The following FAM168A variants were observed in gnomAD, a reference collection of about 807,000 sequenced individuals.
FAM168A encodes protein FAM168A.
In FAM168A, 3 loss-of-function variants were observed where a neutral mutation model predicts 28.5. That is an observed-to-expected ratio of 0.11 (90% CI 0.05 to 0.27). The LOEUF is 0.27. Among genes scored for constraint, FAM168A ranks in the 10% least tolerant of loss-of-function variants. The probability of loss-of-function intolerance (pLI) is 1.00; values close to 1 mark genes in which losing one functional copy is unlikely to be tolerated. For synonymous variants in FAM168A, 122 were observed against 124.2 expected (o/e 0.98, Z 0.12); for missense variants, 222 against 311.5 (o/e 0.71, Z 2.16).
Position 73,424,969 on chromosome 11 carries a change from G to A in FAM168A, c.152-4970C>T, listed in dbSNP as rs2298435. The A allele has an allele frequency of 1.5e-3, 2,141 of 1,419,004 alleles. 34 individuals carry two copies. In the East Asian group the frequency reaches 0.028, roughly 18 times the overall value. 87.9% of individuals were successfully genotyped at this position (1,419,004 alleles called of 1,614,324 possible). The stretch of plus-strand genomic sequence containing the variant: ...AGGAGAGGGGATCTACCATTGTTAC[G>A]AGAGAACACATTCATAGGCTGTAAT... On this transcript the variant is annotated intron_variant, in intron 3 of 7. Transcript: ENST00000356467.
intron 2 of FAM168A, among the ~76,000 whole-genome samples, chr11:73,445,028 G>A (rs1197023019): frequency 6.6e-6 from 1 of 152,186 alleles, no homozygotes; most frequent in Non-Finnish European, 1.5e-5. Flanking sequence ...GGGAGGCCGA[G>A]GTGGGTGGAT....
chr11:73,458,571 T>C (rs1867582197), intron 2 of FAM168A, among the ~76,000 whole-genome samples: 2 of 152,202 alleles, frequency 1.3e-5, no homozygotes, highest in African/African-American at 4.8e-5. Context: ...TTTCTGACTC[T>C]TTCCTCATCT....
At position 73,480,699 on chromosome 11, in the gene FAM168A, A is replaced by AAAAC. The variant is rs147757702; in HGVS notation, c.-18-12211_-18-12208dup. Among the ~76,000 whole-genome samples the AAAAC allele has an allele frequency of 9.7e-3, 1,474 of 151,740 alleles. 28 individuals are homozygous for AAAAC. The highest frequency in any genetic ancestry group is 0.032 in the African/African-American group (1,336 of 41,362). ...CAAGAGTTAACAATGACCATTTTACAAAACAAACAAACAAACAAACAAACA... is the reference window on the plus strand; with the variant it reads ...CAAGAGTTAACAATGACCATTTTACAAAACAAACAAACAAACAAACAAACAAACA... On this transcript the variant is annotated intron_variant, in intron 1 of 7. Coordinates refer to ENST00000356467, the MANE Select transcript of FAM168A (RefSeq NM_015159.3).
At chr11:73,434,427 C>T (rs1469693960) in intron 2 of FAM168A, among the ~76,000 whole-genome samples, 1 of 152,132 alleles carries the variant, frequency 6.6e-6, no homozygotes, top group African/African-American at 2.4e-5. Context: ...CAAAGTAAGA[C>T]ATATTGAGAA....
At chr11:73,440,470 G>A (rs536370627) in intron 2 of FAM168A, among the ~76,000 whole-genome samples, 3 of 152,072 alleles carry the variant, frequency 2.0e-5, no homozygotes, top group East Asian at 1.9e-4. Flanking sequence ...GCAATGTAGC[G>A]AGACCCTGGC....
chr11:73,564,865 G>GAA (rs548781338), intron 1 of FAM168A, among the ~76,000 whole-genome samples: 2 of 144,800 alleles, frequency 1.4e-5, no homozygotes, highest in Non-Finnish European at 1.5e-5. Context: ...GAGTGTCCAG[G>GAA]AAAAAAAAAA....
At chr11:73,542,751 T>C (rs1392122301) in intron 1 of FAM168A, among the ~76,000 whole-genome samples, 4 of 152,192 alleles carry the variant, frequency 2.6e-5, no homozygotes, top group Non-Finnish European at 4.4e-5. Flanking sequence ...TCTTACCCCA[T>C]AGCACTCTCC....
At chr11:73,407,987 T>C (rs899583689) in intron 6 of FAM168A, among the ~76,000 whole-genome samples, 3 of 152,202 alleles carry the variant, frequency 2.0e-5, no homozygotes, top group Admixed American at 6.5e-5. Context: ...TTCTCCCGCG[T>C]CAGCCTCCTG....
At chr11:73,571,720 G>A (rs1462109245) in intron 1 of FAM168A, among the ~76,000 whole-genome samples, 1 of 151,860 alleles carries the variant, frequency 6.6e-6, no homozygotes, top group Non-Finnish European at 1.5e-5. Context: ...TCTGGGATGT[G>A]AGGAGCCCCT....
Position 73,551,059 on chromosome 11 carries a change from C to T in FAM168A, c.-19+46864G>A, listed in dbSNP as rs183911077. Among the ~76,000 whole-genome samples, 722 of 150,414 alleles carry T rather than the reference C, an allele frequency of 4.8e-3. 6 individuals carry two copies. Among genetic ancestry groups the T allele is most frequent in the Middle Eastern group, 0.01 (3 of 294 alleles). ...CCAGGAGGTGGAGCTTGCAGTGAGCCGAGATCGCGCCACTGCACTCCAGCC... is the reference window on the plus strand; with the variant it reads ...CCAGGAGGTGGAGCTTGCAGTGAGCTGAGATCGCGCCACTGCACTCCAGCC... On this transcript the variant is annotated intron_variant, in intron 1 of 7. Coordinates refer to ENST00000356467, the MANE Select transcript of FAM168A (RefSeq NM_015159.3).
chr11:73,433,581 C>T (rs1555019060), intron 2 of FAM168A, among the ~76,000 whole-genome samples: 1 of 152,014 alleles, frequency 6.6e-6, no homozygotes, highest in Non-Finnish European at 1.5e-5. Flanking sequence ...TAGGGGTATA[C>T]ATAGTTATAT....
At chr11:73,534,499 T>C (rs1943552844) in intron 1 of FAM168A, among the ~76,000 whole-genome samples, 1 of 151,414 alleles carries the variant, frequency 6.6e-6, no homozygotes, top group South Asian at 2.1e-4. Context: ...ACCTCCTGGG[T>C]TCAAGCAATT....
chr11:73,592,373 T>C (rs551083097), intron 1 of FAM168A, among the ~76,000 whole-genome samples: 15 of 152,348 alleles, frequency 9.8e-5, no homozygotes, highest in African/African-American at 3.1e-4. Context: ...AAAAATTCTA[T>C]ACCATTGTTT....
chr11:73,422,654 TC>T (rs570277877), intron 3 of FAM168A, among the ~76,000 whole-genome samples: 98 of 152,346 alleles, frequency 6.4e-4, no homozygotes, highest in Non-Finnish European at 1.2e-3. Flanking sequence ...AAGTACCACT[TC>T]CTAGAGATGT....
rs377526956 is a variant in FAM168A at position 73,454,826 on chromosome 11, C to T, written c.70+13579G>A. Among the ~76,000 whole-genome samples, 9 of 152,256 alleles carry T rather than the reference C, an allele frequency of 5.9e-5. No individual in the cohort carries two copies. In the South Asian group the frequency reaches 8.3e-4, roughly 14 times the overall value. On this transcript the variant is annotated intron_variant, in intron 2 of 7. Transcript: ENST00000356467. The stretch of plus-strand genomic sequence containing the variant: ...TCAGGGGAAGATTACCTACCCAACC[C>T]GTCCCCTTTTCAGCCCCTCTTCCCA...
chr11:73,492,374 T>C (rs1207499491), intron 1 of FAM168A, among the ~76,000 whole-genome samples: 1 of 152,220 alleles, frequency 6.6e-6, no homozygotes, highest in Non-Finnish European at 1.5e-5. Flanking sequence ...CAGCCTGGCA[T>C]GGTGGTTTAT....
intron 2 of FAM168A, among the ~76,000 whole-genome samples, chr11:73,460,606 C>T (rs1590793298): frequency 6.7e-6 from 1 of 149,266 alleles, no homozygotes. Flanking sequence ...TGAGTTCAAG[C>T]GATTCTCCTG....
At chr11:73,584,667 C>T (rs1050813430) in intron 1 of FAM168A, among the ~76,000 whole-genome samples, 1 of 151,676 alleles carries the variant, frequency 6.6e-6, no homozygotes, top group Non-Finnish European at 1.5e-5. Flanking sequence ...TTAGTAGAGA[C>T]AGGGTTTCAC....
chr11:73,439,150 A>G (rs1041581244), intron 2 of FAM168A, among the ~76,000 whole-genome samples: 4 of 152,176 alleles, frequency 2.6e-5, no homozygotes, highest in Non-Finnish European at 4.4e-5. Context: ...GAACCTGTCC[A>G]CCAGACCTGA....
Sources: allele counts gnomAD v4.1 joint callset (sites outside exome capture counted in the v4.1 genomes callset), GRCh38; gene constraint gnomAD v4.1.1; transcripts MANE v1.5; gene names NCBI Gene and HGNC (gene_info 2026-07-23, HGNC 2026-07-21).